Variants in CCDC102A observed in about 807,000 individuals in gnomAD.
CCDC102A encodes coiled-coil domain containing 102A.
CCDC102A carries 40 observed loss-of-function variants against 55.5 expected under a neutral mutation model. The ratio of observed to expected loss-of-function variants is 0.72; its 90% CI spans 0.56 to 0.94. CCDC102A has a LOEUF of 0.94. Ranked by LOEUF, CCDC102A falls within the 40% of genes least tolerant of loss-of-function variation. The probability of loss-of-function intolerance (pLI) is 0.00; values close to 1 mark genes in which losing one functional copy is unlikely to be tolerated. For missense variants in CCDC102A, 779 were observed against 768.6 expected, an observed-to-expected ratio of 1.01 and a Z score of -0.16; for synonymous variants, 323 against 339.0, an observed-to-expected ratio of 0.95 and a Z score of 0.52.
chr16:57,525,837 A>G (rs1409448940), intron 3 of CCDC102A, 64 bp downstream of exon 3: 4 of 1,438,800 alleles, frequency 2.8e-6, no homozygotes, highest in Non-Finnish European at 3.9e-6. Flanking sequence ...ATGTTCTGTG[A>G]TTCTGAGGGC....
chr16:57,521,031 C>T, intron 4 of CCDC102A, 37 bp downstream of exon 4: 1 of 1,379,006 alleles, frequency 7.3e-7, no homozygotes, highest in East Asian at 2.3e-5. Flanking sequence ...CGCGATCCTG[C>T]CGCCTCCAGG....
At chr16:57,518,313 G>A (rs377445689) in intron 5 of CCDC102A, 36 bp from the exon 6 acceptor site, 14 of 1,593,116 alleles carry the variant, frequency 8.8e-6, no homozygotes, top group African/African-American at 2.7e-5. Context: ...GACTCCCAGC[G>A]GAGGGGGCAT....
At chr16:57,518,026 AG>A in intron 6 of CCDC102A, 41 bp downstream of exon 6, 1 of 1,540,288 alleles carries the variant, frequency 6.5e-7, no homozygotes, top group Non-Finnish European at 8.7e-7. Flanking sequence ...CTGGATGGGG[AG>A]GTGGCAGCCC....
rs752427469 is a variant in CCDC102A, at chr16:57,518,127, C to T, written c.1189G>A (p.Ala397Thr). The change falls in exon 6 of 9, where the codon GCC becomes ACC. Residue 397 changes from alanine (A) to threonine (T), a missense_variant. By Grantham distance (58) the Ala-to-Thr change is moderately conservative. Transcript: ENST00000258214. ...EALARRRRQTASALDCDLRAS... is the reference protein window; with the variant it reads ...EALARRRRQTTSALDCDLRAS... ...CTCAGGTCGCAGTCCAGTGCGCTGG[C>T]TGTTTGCCGCCGCCGCCGGGCCAGC... 22 of 1,609,628 alleles carry T rather than the reference C, an allele frequency of 1.4e-5. No homozygotes were observed. The highest frequency in any genetic ancestry group is 3.3e-5 in the Admixed American group (2 of 59,978).
upstream of CCDC102A, among the ~76,000 whole-genome samples, chr16:57,536,952 G>A (rs1480636643): frequency 6.6e-6 from 1 of 152,210 alleles, no homozygotes; most frequent in Non-Finnish European, 1.5e-5. Context: ...AGTCTTCACT[G>A]TTGTTACCTG....
In CCDC102A at chr16:57,536,510, G is replaced by A. The variant is rs2032393660; in HGVS notation, c.-158C>T. ...GCCGCCCCCGCTCACCTCGGGCCGG[G>A]ACTTGCGGGCTCCGTACGTCCCAGC... On this transcript the variant is annotated 5_prime_UTR_variant, in exon 1 of 9. Coordinates refer to ENST00000258214, the MANE Select transcript of CCDC102A (RefSeq NM_033212.4). 6.6e-6 allele frequency: 1 copy of A among 152,330 alleles called. No homozygotes were observed. The highest frequency in any genetic ancestry group is 2.1e-4 in the South Asian group (1 of 4,840). The allele number at this position is 152,330 out of a possible 1,614,324, so 9.4% of individuals were successfully genotyped here. A position where few individuals can be genotyped will look rare whatever the true frequency, so the allele number is the denominator to read the frequency against.
rs868677275 is a variant in CCDC102A at position 57,523,090 on chromosome 16, C to G, written c.813-1914G>C. On this transcript the variant is annotated intron_variant, in intron 3 of 8. Coordinates refer to ENST00000258214, the MANE Select transcript of CCDC102A (RefSeq NM_033212.4). ...GCTGACACATGAGAATTGCTTGAAC[C>G]AGGGAGACAAGAGATTGTAGTGAGC... is the stretch of plus-strand genomic sequence containing the variant. Among the ~76,000 whole-genome samples, 7 of 151,992 alleles carry G rather than the reference C, an allele frequency of 4.6e-5. 1 individual carries two copies. In the Middle Eastern group the frequency reaches 0.02, roughly 443 times the overall value.
chr16:57,520,602 TA>T (rs1425809362), intron 4 of CCDC102A, among the ~76,000 whole-genome samples: 11,254 of 133,876 alleles, frequency 0.084, 570 homozygotes, highest in African/African-American at 0.12. Flanking sequence ...ATAAATAAAA[TA>T]AAATAAATAA....
At position 57,521,121 on chromosome 16, in the gene CCDC102A, A is replaced by G; in HGVS notation, c.868T>C (p.Trp290Arg). 1 of 1,613,518 alleles carries G rather than the reference A, an allele frequency of 6.2e-7. No homozygotes were observed. The highest frequency in any genetic ancestry group is 8.5e-7 in the Non-Finnish European group (1 of 1,179,978). The change falls in exon 4 of 9, where the codon TGG becomes CGG. Residue 290 changes from tryptophan (W) to arginine (R), a missense_variant. Physicochemically the swap from Trp to Arg is moderately radical, Grantham distance 101. Coordinates refer to ENST00000258214, the MANE Select transcript of CCDC102A (RefSeq NM_033212.4). ...CTCAGCTCCTCATACTTGATCTTCC[A>G]CTGGCTGAGCTCCCCCTCTAGCTTC... ...IEKLEGELSQ[W>R]KIKYEELSKT...
rs199982491 is a variant in CCDC102A, at chr16:57,518,079, C to T, written c.1237G>A (p.Glu413Lys). The change falls in exon 6 of 9, where the codon GAG (glutamate) becomes AAG (lysine). Residue 413 changes from glutamate (E) to lysine (K), a missense_variant. Glu to Lys is a moderately conservative substitution (Grantham distance 56). Coordinates refer to ENST00000258214, the MANE Select transcript of CCDC102A (RefSeq NM_033212.4). ...ACTCCTTGCCCCACCTTGTTCTTCT[C>T]GAAGAGCGCGGCCTGGCTGGCCCTC... ...DLRASQAALF[E>K]KNKELADLKH... 4.7e-5 allele frequency: 75 copies of T among 1,598,784 alleles called. No individual in the cohort carries two copies. The highest frequency in any genetic ancestry group is 6.0e-5 in the Non-Finnish European group (70 of 1,174,878).
At chr16:57,523,565 C>T (rs1160353629) in intron 3 of CCDC102A, among the ~76,000 whole-genome samples, 2 of 151,776 alleles carry the variant, frequency 1.3e-5, no homozygotes, top group East Asian at 1.9e-4. Context: ...CCCTCAGCCT[C>T]GACCTCCTGG....
At chr16:57,522,277 CTGGAGTG>C (rs1347722026) in intron 3 of CCDC102A, among the ~76,000 whole-genome samples, 1 of 152,196 alleles carries the variant, frequency 6.6e-6, no homozygotes, top group African/African-American at 2.4e-5. Flanking sequence ...GTTGCTCAGG[CTGGAGTG>C]CAGATCACAG....
chr16:57,535,985 G>A (rs532216724), intron 1 of CCDC102A, among the ~76,000 whole-genome samples: 2 of 152,300 alleles, frequency 1.3e-5, no homozygotes, highest in East Asian at 1.9e-4. Flanking sequence ...CGCTGGCCCT[G>A]CGAACCGCCC....
chr16:57,512,503 C>G lies in CCDC102A; in HGVS notation c.*238G>C. ...TTATAAAACCAAATGGGTCCAAAGA[C>G]TTCTGGGTGTGCGCGCGCGCGCGCG... On this transcript the variant is annotated 3_prime_UTR_variant, in exon 9 of 9. Coordinates refer to ENST00000258214, the MANE Select transcript of CCDC102A (RefSeq NM_033212.4). The G allele has an allele frequency of 2.3e-6, 1 of 442,932 alleles. No homozygotes were observed. The highest frequency in any genetic ancestry group is 3.4e-5 in the East Asian group (1 of 29,242). 27.4% of individuals were successfully genotyped at this position (442,932 alleles called of 1,614,324 possible). A position where few individuals can be genotyped will look rare whatever the true frequency, so the allele number is the denominator to read the frequency against.
intron 3 of CCDC102A, among the ~76,000 whole-genome samples, chr16:57,522,384 C>T (rs996061267): frequency 5.9e-5 from 9 of 152,126 alleles, no homozygotes; most frequent in Admixed American, 5.9e-4. Flanking sequence ...CACTGGGCAT[C>T]TCTGGGCAAG....
At chr16:57,531,184 A>T (rs1305008742) in intron 1 of CCDC102A, among the ~76,000 whole-genome samples, 2 of 151,686 alleles carry the variant, frequency 1.3e-5, no homozygotes, top group South Asian at 4.2e-4. Context: ...TGCCTGATAG[A>T]TGATTCAGGC....
At chr16:57,525,491 C>T (rs780433161) in intron 3 of CCDC102A, among the ~76,000 whole-genome samples, 1 of 152,176 alleles carries the variant, frequency 6.6e-6, no homozygotes, top group Non-Finnish European at 1.5e-5. Flanking sequence ...CAGACTCATT[C>T]ACATCCCCAG....
chr16:57,524,751 T>C (rs2032107275), intron 3 of CCDC102A, among the ~76,000 whole-genome samples: 1 of 151,598 alleles, frequency 6.6e-6, no homozygotes. Flanking sequence ...GGTTATGCTA[T>C]TGTCGTATTT....
chr16:57,530,834 C>T (rs1358148816), intron 1 of CCDC102A, among the ~76,000 whole-genome samples: 1 of 151,990 alleles, frequency 6.6e-6, no homozygotes, highest in Non-Finnish European at 1.5e-5. Flanking sequence ...CACTCGCCGT[C>T]TCCACTCCGT....
Sources: allele counts gnomAD v4.1 joint callset (sites outside exome capture counted in the v4.1 genomes callset), GRCh38; gene constraint gnomAD v4.1.1; transcripts MANE v1.5; gene names NCBI Gene and HGNC (gene_info 2026-07-23, HGNC 2026-07-21).